Variants in CEP350 observed in about 807,000 individuals in gnomAD.
The protein encoded by CEP350 is centrosome-associated protein 350.
A neutral mutation model predicts 331.8 loss-of-function variants in CEP350; 126 were observed. That is an observed-to-expected ratio of 0.38 (90% CI 0.33 to 0.44). CEP350 has a LOEUF of 0.44. CEP350 is among the 20% of genes least tolerant of loss of function. CEP350 has a pLI of 1.00. For synonymous variants in CEP350, 1,200 were observed against 1,259.5 expected (o/e 0.95, Z 1.00); for missense variants, 3,406 against 3,634.6 (o/e 0.94, Z 1.62).
At chr1:179,974,071 G>A (rs531654132) in intron 1 of CEP350, among the ~76,000 whole-genome samples, 1 of 135,446 alleles carries the variant, frequency 7.4e-6, no homozygotes, top group East Asian at 2.3e-4. Context: ...TGTTGCTGGT[G>A]TTTGTTTGTT....
intron 5 of CEP350, among the ~76,000 whole-genome samples, chr1:179,993,377 T>C (rs1446005697): frequency 6.6e-6 from 1 of 152,178 alleles, no homozygotes; most frequent in Admixed American, 6.6e-5. Context: ...TTATGTTCAG[T>C]GTTCTTCCTG....
Position 180,084,157 on chromosome 1 carries a change from C to T in CEP350, c.6264C>T (p.Ala2088=). ...RQKERLKAQE[A]SLIKQLESYD... ...AGGAAAGACTGAAAGCCCAAGAAGC[C>T]AGTCTGATCAAGCAGTTAGAGGTTA... Residue 2088 remains alanine (A), a synonymous_variant, in exon 31 of 38, where the codon GCC becomes GCT. Transcript: ENST00000367607. The T allele has an allele frequency of 6.3e-7, 1 of 1,588,458 alleles. No individual in the cohort carries two copies. Among genetic ancestry groups the T allele is most frequent in the Non-Finnish European group, 8.6e-7 (1 of 1,166,844 alleles).
intron 17 of CEP350, among the ~76,000 whole-genome samples, chr1:180,038,641 G>C (rs970934033): frequency 6.6e-6 from 1 of 152,138 alleles, no homozygotes; most frequent in African/African-American, 2.4e-5. Context: ...TGATGAGACT[G>C]ATTGTCTTTT....
intron 7 of CEP350, 45 bp from the exon 8 acceptor site, chr1:180,006,409 A>G (rs2148769524): frequency 1.0e-6 from 1 of 960,542 alleles, no homozygotes; most frequent in Non-Finnish European, 1.6e-6. Flanking sequence ...AAGTGAGGGA[A>G]TGAAAATCAT....
At chr1:179,989,763 A>ACGTGAAACTTATTTTATAGG (rs1652915019) in intron 3 of CEP350, among the ~76,000 whole-genome samples, 1 of 152,174 alleles carries the variant, frequency 6.6e-6, no homozygotes, top group Non-Finnish European at 1.5e-5. Context: ...TATTTTATAG[A>ACGTGAAACTTATTTTATAGG]CATAAAACTG....
chr1:180,096,212 T>C, intron 36 of CEP350, 28 bp downstream of exon 36: 1 of 1,522,554 alleles, frequency 6.6e-7, no homozygotes, highest in Non-Finnish European at 8.8e-7. Context: ...AAGTGTCTTC[T>C]TTTTTGACTT....
intron 27 of CEP350, among the ~76,000 whole-genome samples, chr1:180,074,220 A>G (rs1365706734): frequency 6.6e-6 from 1 of 152,170 alleles, no homozygotes; most frequent in Non-Finnish European, 1.5e-5. Context: ...TAGTTGTGGC[A>G]TCTACATTTG....
chr1:180,008,874 A>G (rs968753552), intron 8 of CEP350, among the ~76,000 whole-genome samples: 1 of 152,236 alleles, frequency 6.6e-6, no homozygotes, highest in Non-Finnish European at 1.5e-5. Context: ...GTCATACACT[A>G]ATCAGTAGAA....
intron 1 of CEP350, among the ~76,000 whole-genome samples, chr1:179,963,952 A>G (rs1040133314): frequency 6.6e-6 from 1 of 152,194 alleles, no homozygotes; most frequent in Non-Finnish European, 1.5e-5. Context: ...ATCCATGAGC[A>G]TGGAATGTTT....
chr1:180,035,089 G>A (rs966163999), intron 16 of CEP350, among the ~76,000 whole-genome samples: 1 of 152,192 alleles, frequency 6.6e-6, no homozygotes, highest in Admixed American at 6.5e-5. Context: ...TATGGAGAAA[G>A]TTTTAGGGAC....
chr1:179,992,026 ATAT>A (rs1434136523), intron 4 of CEP350, 33 bp from the exon 5 acceptor site: 1 of 1,490,554 alleles, frequency 6.7e-7, no homozygotes, highest in Admixed American at 3.0e-5. Context: ...GTTGTATTTT[ATAT>A]TATATGTTCT....
At chr1:180,004,836 G>A (rs527715114) in intron 7 of CEP350, among the ~76,000 whole-genome samples, 1 of 151,918 alleles carries the variant, frequency 6.6e-6, no homozygotes, top group East Asian at 1.9e-4. Flanking sequence ...AGGATGCCTT[G>A]ACCTCAGTCC....
Position 179,965,622 on chromosome 1 carries a change from T to C in CEP350, c.-14+10480T>C, listed in dbSNP as rs561524519. Among the ~76,000 whole-genome samples the C allele has an allele frequency of 6.4e-5, 9 of 141,684 alleles. No individual in the cohort carries two copies. In the South Asian group the frequency reaches 7.0e-4, roughly 11 times the overall value. The allele number at this position is 141,684 out of a possible 152,430, so 93.0% of individuals were successfully genotyped here. Reference sequence around the variant, plus strand: ...CTTTTTTCTTTTTCTTTTCTTTTTTTTTTTTTTTTTTTTTTGAGATAGAGT... The same window carrying C: ...CTTTTTTCTTTTTCTTTTCTTTTTTCTTTTTTTTTTTTTTTGAGATAGAGT... On this transcript the variant is annotated intron_variant, in intron 1 of 37. Coordinates refer to ENST00000367607, the MANE Select transcript of CEP350 (RefSeq NM_014810.5).
chr1:180,064,639 T>C (rs1345001542), intron 26 of CEP350, among the ~76,000 whole-genome samples: 1 of 152,214 alleles, frequency 6.6e-6, no homozygotes, highest in Non-Finnish European at 1.5e-5. Flanking sequence ...AAACACTGTT[T>C]TGCATAAGGA....
chr1:180,085,532 T>C lies in CEP350; in HGVS notation c.6285+1354T>C, dbSNP rs1659813572. On this transcript the variant is annotated intron_variant, in intron 31 of 37. Coordinates refer to ENST00000367607, the MANE Select transcript of CEP350 (RefSeq NM_014810.5). ...TGTTACACACATTCTGTTTCTCTAT[T>C]ACACACATTCTGCCAGCCCGGTGTT... The C allele has an allele frequency of 5.3e-5, 8 of 152,364 alleles. No individual in the cohort carries two copies. In the South Asian group the frequency reaches 1.7e-3, roughly 32 times the overall value. 9.4% of individuals were successfully genotyped at this position (152,364 alleles called of 1,614,324 possible).
chr1:179,991,338 A>G (rs1653047427), intron 4 of CEP350, among the ~76,000 whole-genome samples: 1 of 119,282 alleles, frequency 8.4e-6, no homozygotes, highest in Non-Finnish European at 1.7e-5. Context: ...TTTTTTTGAG[A>G]CAGAGTCTCA....
Position 180,024,445 on chromosome 1 carries a change from A to T in CEP350, c.3413A>T (p.His1138Leu), listed in dbSNP as rs763612746. The change falls in exon 14 of 38, where the codon CAT becomes CTT. Residue 1138 changes from histidine (H) to leucine (L), a missense_variant. By Grantham distance (99) the His-to-Leu change is moderately conservative. Coordinates refer to ENST00000367607, the MANE Select transcript of CEP350 (RefSeq NM_014810.5). ...PHSTLSPQED[H>L]SNRKSAYDPS... is the part of the protein sequence containing the mutation. ...AGCACTTTAAGCCCTCAGGAGGACC[A>T]TTCTAACAGAAAGTCTGCCTATGAT... The T allele has an allele frequency of 6.2e-7, 1 of 1,612,680 alleles. No homozygotes were observed. Among genetic ancestry groups the T allele is most frequent in the East Asian group, 2.2e-5 (1 of 44,846 alleles).
In CEP350 at chr1:179,991,976, C is replaced by A. The variant is rs1019965443; in HGVS notation, c.236-86C>A. 24 of 1,273,836 alleles carry A rather than the reference C, an allele frequency of 1.9e-5. No homozygotes were observed. The Admixed American group carries it at 6.3e-4, about 33-fold the overall frequency. The allele number at this position is 1,273,836 out of a possible 1,614,324, so 78.9% of individuals were successfully genotyped here. A position where few individuals can be genotyped will look rare whatever the true frequency, so the allele number is the denominator to read the frequency against. The stretch of plus-strand genomic sequence containing the variant: ...ATCCAACTATTAGAAATAATAGATA[C>A]CTAATTTTTTTTTTAAGATACCAGC... On this transcript the variant is annotated intron_variant, in intron 4 of 37. Coordinates refer to ENST00000367607, the MANE Select transcript of CEP350 (RefSeq NM_014810.5).
chr1:180,060,828 A>G (rs919980657), intron 25 of CEP350, among the ~76,000 whole-genome samples: 7 of 152,186 alleles, frequency 4.6e-5, no homozygotes, highest in African/African-American at 7.2e-5. Context: ...ATATTTTTAA[A>G]CATACAAACC....
Sources: gnomAD v4.1 joint callset for allele counts (sites outside exome capture counted in the v4.1 genomes callset) on GRCh38, gnomAD v4.1.1 for gene constraint, MANE v1.5 for transcripts, NCBI Gene and HGNC (gene_info 2026-07-23, HGNC 2026-07-21) for gene names.